The following SLC14A2 variants were observed in gnomAD, a reference collection of about 807,000 sequenced individuals.
SLC14A2 encodes the protein urea transporter 2.
Under a neutral mutation model 104.6 loss-of-function variants are expected in SLC14A2, and 91 were observed. That is an observed-to-expected ratio of 0.87 (90% CI 0.73 to 1.04). The LOEUF (loss-of-function observed/expected upper bound fraction) is 1.04. SLC14A2 is among the 50% of genes least tolerant of loss of function. The probability of loss-of-function intolerance (pLI) is 0.00; values close to 1 mark genes in which losing one functional copy is unlikely to be tolerated. For synonymous variants in SLC14A2, 476 were observed against 466.4 expected, an observed-to-expected ratio of 1.02 and a Z score of -0.27; for missense variants, 1,189 against 1,156.0, an observed-to-expected ratio of 1.03 and a Z score of -0.41.
rs145785668 is a variant in SLC14A2 at position 45,272,303 on chromosome 18, C to T, written c.-125+59112C>T. 4.7e-3 allele frequency among the ~76,000 whole-genome samples: 711 copies of T among 152,172 alleles called. 10 individuals carry two copies. Among genetic ancestry groups the T allele is most frequent in the African/African-American group, 0.016 (663 of 41,548 alleles). ...GAGATGTCTGTACTCCTGTTTGTTGCAGCACTGTTTACAATAGCCAAGATT... is the reference window on the plus strand; with the variant it reads ...GAGATGTCTGTACTCCTGTTTGTTGTAGCACTGTTTACAATAGCCAAGATT... On this transcript the variant is annotated intron_variant, in intron 1 of 20. Transcript: ENST00000586448.
At chr18:45,635,417 A>G (rs1242743298) in intron 5 of SLC14A2, among the ~76,000 whole-genome samples, 1 of 152,258 alleles carries the variant, frequency 6.6e-6, no homozygotes, top group Non-Finnish European at 1.5e-5. Flanking sequence ...AAGAAGGAAC[A>G]GGCAAAAAGA....
intron 1 of SLC14A2, among the ~76,000 whole-genome samples, chr18:45,291,033 A>G (rs1599647980): frequency 2.0e-5 from 3 of 152,310 alleles, no homozygotes; most frequent in South Asian, 2.1e-4. Flanking sequence ...GAGAATTTTG[A>G]ATGTTAGAAA....
At chr18:45,622,781 T>A (rs1457406193) in intron 1 of SLC14A2, among the ~76,000 whole-genome samples, 1 of 152,038 alleles carries the variant, frequency 6.6e-6, no homozygotes, top group African/African-American at 2.4e-5. Flanking sequence ...GGACTGAAAG[T>A]GGACTTGCCA....
chr18:45,636,735 AT>A lies in SLC14A2; in HGVS notation c.651-252del, dbSNP rs1165741822. 4.6e-5 allele frequency among the ~76,000 whole-genome samples: 7 copies of A among 152,292 alleles called. No individual in the cohort carries two copies. The East Asian group carries it at 1.3e-3, about 29-fold the overall frequency. On this transcript the variant is annotated intron_variant, in intron 5 of 19. Transcript: ENST00000255226. ...CAAAATAAGTTACGATATTTTTAAA[AT>A]TTGTTTCTCAGAGGTGTAAGCTTAT...
At chr18:45,297,893 G>A (rs1339250723) in intron 1 of SLC14A2, among the ~76,000 whole-genome samples, 1 of 152,170 alleles carries the variant, frequency 6.6e-6, no homozygotes, top group East Asian at 1.9e-4. Context: ...CACTCTGAAG[G>A]AGAGACTTTA....
intron 1 of SLC14A2, among the ~76,000 whole-genome samples, chr18:45,430,466 T>C (rs2086496518): frequency 6.6e-6 from 1 of 152,210 alleles, no homozygotes; most frequent in South Asian, 2.1e-4. Flanking sequence ...CACGTAGCAC[T>C]AACTAAAGAT....
intron 1 of SLC14A2, among the ~76,000 whole-genome samples, chr18:45,316,763 T>C (rs1026203272): frequency 2.6e-5 from 4 of 152,184 alleles, no homozygotes; most frequent in African/African-American, 7.2e-5. Context: ...TGGACAGAAC[T>C]ACCCTTCCCT....
At position 45,427,916 on chromosome 18, in the gene SLC14A2, G is replaced by A. The variant is rs1442602603; in HGVS notation, c.-124-55317G>A. Among the ~76,000 whole-genome samples, 4 of 152,282 alleles carry A rather than the reference G, an allele frequency of 2.6e-5. No homozygotes were observed. In the East Asian group the frequency reaches 5.8e-4, roughly 22 times the overall value. On this transcript the variant is annotated intron_variant, in intron 1 of 20. Transcript: ENST00000586448. ...GCTTCGCTCTCCTCATCTGTCAGAT[G>A]GGGATTAAAATAACTGCCCTGCCTT...
chr18:45,388,931 A>G (rs1212621855), intron 1 of SLC14A2, among the ~76,000 whole-genome samples: 1 of 152,252 alleles, frequency 6.6e-6, no homozygotes, highest in Non-Finnish European at 1.5e-5. Context: ...TGAAGATTTT[A>G]AAATATTGAA....
intron 1 of SLC14A2, among the ~76,000 whole-genome samples, chr18:45,618,617 C>T (rs1322699143): frequency 7.3e-6 from 1 of 136,782 alleles, no homozygotes; most frequent in Non-Finnish European, 1.5e-5. Flanking sequence ...TGTAGTGAGC[C>T]GAGATTGCAC....
intron 1 of SLC14A2, among the ~76,000 whole-genome samples, chr18:45,441,791 G>C (rs912865227): frequency 2.0e-5 from 3 of 152,182 alleles, no homozygotes; most frequent in African/African-American, 7.2e-5. Context: ...ACAATATGAA[G>C]CATGCACTGC....
chr18:45,304,747 G>T (rs977155748), intron 1 of SLC14A2, among the ~76,000 whole-genome samples: 1 of 152,152 alleles, frequency 6.6e-6, no homozygotes, highest in South Asian at 2.1e-4. Context: ...CTACCCCAGG[G>T]ACCCTGAGAT....
At chr18:45,278,668 C>T (rs898704278) in intron 1 of SLC14A2, among the ~76,000 whole-genome samples, 5 of 152,224 alleles carry the variant, frequency 3.3e-5, no homozygotes, top group Middle Eastern at 6.8e-3. Flanking sequence ...ATACTGTAGT[C>T]CCATAGTCAG....
intron 1 of SLC14A2, among the ~76,000 whole-genome samples, chr18:45,316,634 A>G (rs531117537): frequency 1.4e-4 from 22 of 152,170 alleles, no homozygotes; most frequent in Non-Finnish European, 3.1e-4. Flanking sequence ...AAAATTTACA[A>G]GTGTGAGAAT....
intron 1 of SLC14A2, among the ~76,000 whole-genome samples, chr18:45,463,814 C>CCCTT (rs1204086098): frequency 6.6e-6 from 1 of 152,126 alleles, no homozygotes; most frequent in African/African-American, 2.4e-5. Context: ...ACATGGCAGA[C>CCCTT]CCTTGGCAAA....
intron 2 of SLC14A2, among the ~76,000 whole-genome samples, chr18:45,501,030 TA>T (rs2043189646): frequency 6.6e-6 from 1 of 152,154 alleles, no homozygotes; most frequent in South Asian, 2.1e-4. Context: ...GGAGAGAAGC[TA>T]ACATTACTGA....
intron 18 of SLC14A2, among the ~76,000 whole-genome samples, chr18:45,676,641 C>T (rs564343668): frequency 6.6e-6 from 1 of 152,100 alleles, no homozygotes; most frequent in East Asian, 1.9e-4. Context: ...TCCAGAGACG[C>T]TGTTAAACAC....
chr18:45,235,817 A>G (rs866589367), intron 1 of SLC14A2, among the ~76,000 whole-genome samples: 1,590 of 124,394 alleles, frequency 0.013, 253 homozygotes, highest in African/African-American at 0.047. Flanking sequence ...GTGTGTGTAT[A>G]TATATATATA....
At chr18:45,515,793 A>G (rs1164655277) in intron 2 of SLC14A2, among the ~76,000 whole-genome samples, 1 of 152,270 alleles carries the variant, frequency 6.6e-6, no homozygotes, top group East Asian at 1.9e-4. Flanking sequence ...TGTACTTCAG[A>G]AAACCATGCA....
Sources: gnomAD v4.1 joint callset for allele counts (sites outside exome capture counted in the v4.1 genomes callset) on GRCh38, gnomAD v4.1.1 for gene constraint, MANE v1.5 for transcripts, NCBI Gene and HGNC (gene_info 2026-07-23, HGNC 2026-07-21) for gene names.